The following CHCHD3 variants were observed in gnomAD, a reference collection of about 807,000 sequenced individuals.
The protein encoded by CHCHD3 is coiled-coil-helix-coiled-coil-helix domain containing 3, also known as MICOS complex subunit MIC19.
Under a neutral mutation model 38.2 loss-of-function variants are expected in CHCHD3, and 20 were observed. The observed-to-expected ratio is 0.52, with a 90% CI of 0.37 to 0.76. CHCHD3 has a LOEUF of 0.76. CHCHD3 is among the 30% of genes least tolerant of loss of function. The pLI is 0.00. For missense variants in CHCHD3, 245 were observed against 279.2 expected (o/e 0.88, Z 0.87); for synonymous variants, 82 against 100.0 (o/e 0.82, Z 1.07).
intron 6 of CHCHD3, among the ~76,000 whole-genome samples, chr7:132,814,238 A>T (rs933334111): frequency 2.0e-5 from 3 of 151,044 alleles, no homozygotes; most frequent in Non-Finnish European, 2.9e-5. Flanking sequence ...AAGGTCATAC[A>T]TGTTATTTTG....
At chr7:132,793,014 C>T (rs1426192405) in intron 7 of CHCHD3, among the ~76,000 whole-genome samples, 1 of 152,192 alleles carries the variant, frequency 6.6e-6, no homozygotes, top group South Asian at 2.1e-4. Context: ...TGACAGCAAA[C>T]CCTTTCGACA....
intron 2 of CHCHD3, among the ~76,000 whole-genome samples, chr7:133,056,604 G>A (rs1453361860): frequency 6.6e-6 from 1 of 152,092 alleles, no homozygotes; most frequent in Non-Finnish European, 1.5e-5. Flanking sequence ...ATGTTTGTTG[G>A]AACAAGGGCA....
chr7:132,802,261 A>AG (rs966302837), intron 6 of CHCHD3, among the ~76,000 whole-genome samples: 2 of 152,140 alleles, frequency 1.3e-5, no homozygotes, highest in African/African-American at 2.4e-5. Context: ...GACAGCTGGT[A>AG]GGGGTTGGTG....
intron 5 of CHCHD3, among the ~76,000 whole-genome samples, chr7:132,883,873 C>T (rs1809139112): frequency 6.6e-6 from 1 of 152,180 alleles, no homozygotes; most frequent in African/African-American, 2.4e-5. Context: ...ATTTCCTCCA[C>T]CACCAACATC....
intron 2 of CHCHD3, 28 bp downstream of exon 2, chr7:133,070,114 A>G (rs1301547495): frequency 6.4e-7 from 1 of 1,568,934 alleles, no homozygotes; most frequent in Non-Finnish European, 8.7e-7. Flanking sequence ...TATCTCCTAA[A>G]AACCCTAAAA....
intron 4 of CHCHD3, among the ~76,000 whole-genome samples, chr7:132,944,168 T>A (rs2117275564): frequency 6.6e-6 from 1 of 152,186 alleles, no homozygotes; most frequent in East Asian, 1.9e-4. Context: ...AATGTACAAT[T>A]CTCAAATCCT....
At chr7:132,994,459 G>A (rs1017553324) in intron 3 of CHCHD3, among the ~76,000 whole-genome samples, 12 of 152,102 alleles carry the variant, frequency 7.9e-5, no homozygotes, top group East Asian at 3.9e-4. Context: ...GAAAGACACC[G>A]CCAATTGCTG....
intron 6 of CHCHD3, among the ~76,000 whole-genome samples, chr7:132,826,780 T>C (rs555492281): frequency 1.3e-5 from 2 of 152,342 alleles, no homozygotes; most frequent in African/African-American, 2.4e-5. Context: ...TATTGAAAAG[T>C]ACCAGTGCTA....
intron 7 of CHCHD3, among the ~76,000 whole-genome samples, chr7:132,787,781 T>C (rs964867653): frequency 4.6e-5 from 7 of 152,178 alleles, no homozygotes; most frequent in Non-Finnish European, 8.8e-5. Flanking sequence ...AAGAAGTCTA[T>C]GTCATAGGGC....
chr7:132,943,821 GTCTC>G (rs1197858054), intron 4 of CHCHD3, among the ~76,000 whole-genome samples: 6 of 152,110 alleles, frequency 3.9e-5, no homozygotes, highest in African/African-American at 1.2e-4. Flanking sequence ...GTCTGGCGAT[GTCTC>G]TCTATTTCAC....
chr7:132,908,327 A>C (rs951311325), intron 4 of CHCHD3, among the ~76,000 whole-genome samples: 2 of 152,200 alleles, frequency 1.3e-5, no homozygotes, highest in Admixed American at 1.3e-4. Context: ...GCAAATTTTA[A>C]GTCCTTTACC....
At chr7:132,845,636 T>C (rs1006746190) in intron 5 of CHCHD3, among the ~76,000 whole-genome samples, 2 of 152,202 alleles carry the variant, frequency 1.3e-5, no homozygotes, top group African/African-American at 2.4e-5. Context: ...ATGCCAAGAC[T>C]TCCCAAGGCC....
intron 3 of CHCHD3, among the ~76,000 whole-genome samples, chr7:133,001,713 T>C (rs1417470802): frequency 6.6e-6 from 1 of 152,076 alleles, no homozygotes; most frequent in East Asian, 1.9e-4. Context: ...TTTTACAATC[T>C]TCAGAAACTA....
chr7:132,824,776 C>T (rs1036286858), intron 6 of CHCHD3, among the ~76,000 whole-genome samples: 2 of 152,158 alleles, frequency 1.3e-5, no homozygotes, highest in African/African-American at 4.8e-5. Flanking sequence ...CTATTCAATG[C>T]CCTCTTCATA....
At chr7:132,945,261 A>G (rs969519519) in intron 4 of CHCHD3, among the ~76,000 whole-genome samples, 3 of 152,020 alleles carry the variant, frequency 2.0e-5, no homozygotes. Flanking sequence ...GTTCCCCTTA[A>G]GCCAGCACTA....
At chr7:133,049,774 G>C (rs1677264066) in intron 2 of CHCHD3, among the ~76,000 whole-genome samples, 1 of 152,164 alleles carries the variant, frequency 6.6e-6, no homozygotes, top group African/African-American at 2.4e-5. Flanking sequence ...AATAGTGTCT[G>C]AACATGAAAC....
intron 2 of CHCHD3, among the ~76,000 whole-genome samples, chr7:133,066,256 CT>C (rs11451085): frequency 0.42 from 59,523 of 142,694 alleles, 11,777 homozygotes; most frequent in East Asian, 0.54. Flanking sequence ...AGATGGCATA[CT>C]TTTTTTTTTT....
intron 2 of CHCHD3, 33 bp from the exon 3 acceptor site, chr7:133,024,660 T>C (rs1156932843): frequency 6.9e-7 from 1 of 1,446,250 alleles, no homozygotes; most frequent in Non-Finnish European, 9.7e-7. Context: ...GGAGATAAAA[T>C]AGGTGACTTC....
chr7:132,959,542 G>A lies in CHCHD3; in HGVS notation c.369+15627C>T, dbSNP rs1321125985. Among the ~76,000 whole-genome samples the A allele has an allele frequency of 3.9e-5, 6 of 152,132 alleles. No homozygotes were observed. In the South Asian group the frequency reaches 6.2e-4, roughly 16 times the overall value. ...GTTCAAGACCAGCCCGGCCAACATG[G>A]TGAAACTCTGTCTCCGATGAAAATA... On this transcript the variant is annotated intron_variant, in intron 4 of 7. Transcript: ENST00000262570.
Sources: allele counts gnomAD v4.1 joint callset (sites outside exome capture counted in the v4.1 genomes callset), GRCh38; gene constraint gnomAD v4.1.1; transcripts MANE v1.5; gene names NCBI Gene and HGNC (gene_info 2026-07-23, HGNC 2026-07-21).